XKR9: variants seen among roughly 807,000 people sequenced by gnomAD.
The protein encoded by XKR9 is XK related 9.
Under a neutral mutation model 32.0 loss-of-function variants are expected in XKR9, and 32 were observed. The ratio of observed to expected loss-of-function variants is 1.00; its 90% CI spans 0.76 to 1.34. XKR9 has a LOEUF of 1.34. Ranked by LOEUF, XKR9 falls within the 40% of genes most tolerant of loss-of-function variation. XKR9 has a pLI of 0.00. For missense variants in XKR9, 546 were observed against 429.7 expected, an observed-to-expected ratio of 1.27 and a Z score of -2.39; for synonymous variants, 168 against 143.4, an observed-to-expected ratio of 1.17 and a Z score of -1.22.
chr8:70,858,957 T>C, the XKR9 span, among the ~76,000 whole-genome samples: 5 of 152,130 alleles, frequency 3.3e-5, no homozygotes, highest in Non-Finnish European at 7.4e-5. Context: ...AAAGATTTTT[T>C]GTGTAAGACC....
the XKR9 span, among the ~76,000 whole-genome samples, chr8:71,005,611 T>C: frequency 1.3e-5 from 2 of 152,216 alleles, no homozygotes; most frequent in African/African-American, 2.4e-5. Context: ...GAAAACTTCT[T>C]ATCCATGTCT....
At chr8:70,798,011 C>A in the XKR9 span, among the ~76,000 whole-genome samples, 1 of 152,124 alleles carries the variant, frequency 6.6e-6, no homozygotes, top group Non-Finnish European at 1.5e-5. Flanking sequence ...CTGCAATGAA[C>A]ATATAAGTGC....
intron 2 of XKR9, among the ~76,000 whole-genome samples, chr8:70,782,362 G>A (rs1317577630): frequency 2.0e-5 from 3 of 152,036 alleles, no homozygotes; most frequent in Non-Finnish European, 2.9e-5. Context: ...ATTAAATAGA[G>A]CTAGTTAACA....
chr8:71,052,313 A>G, the XKR9 span, among the ~76,000 whole-genome samples: 1 of 152,178 alleles, frequency 6.6e-6, no homozygotes, highest in African/African-American at 2.4e-5. Flanking sequence ...TCTTAGTTGC[A>G]CTGTCCTTCA....
the XKR9 span, among the ~76,000 whole-genome samples, chr8:70,912,986 C>G: frequency 6.6e-6 from 1 of 152,142 alleles, no homozygotes; most frequent in Non-Finnish European, 1.5e-5. Context: ...ATGATGCAGA[C>G]TAGTGGAAAG....
the XKR9 span, among the ~76,000 whole-genome samples, chr8:71,063,470 G>A: frequency 6.6e-6 from 1 of 151,850 alleles, no homozygotes; most frequent in Non-Finnish European, 1.5e-5. Flanking sequence ...AGAAGTGTGG[G>A]GCCCTTAAAA....
chr8:70,983,297 C>G, the XKR9 span, among the ~76,000 whole-genome samples: 1 of 152,154 alleles, frequency 6.6e-6, no homozygotes, highest in African/African-American at 2.4e-5. Context: ...ATCTGGGGGA[C>G]CTTCTGGGAC....
At chr8:70,781,806 T>C (rs1300561512) in intron 2 of XKR9, among the ~76,000 whole-genome samples, 1 of 152,154 alleles carries the variant, frequency 6.6e-6, no homozygotes, top group Non-Finnish European at 1.5e-5. Context: ...AGAACAAGCT[T>C]TCTCAAAAAG....
chr8:70,751,239 C>T (rs766987723), intron 2 of XKR9, among the ~76,000 whole-genome samples: 1 of 152,172 alleles, frequency 6.6e-6, no homozygotes, highest in Non-Finnish European at 1.5e-5. Context: ...AAGGGATTCT[C>T]CCGCCTCAGC....
the XKR9 span, among the ~76,000 whole-genome samples, chr8:70,923,214 T>C: frequency 6.6e-6 from 1 of 152,232 alleles, no homozygotes; most frequent in Non-Finnish European, 1.5e-5. Flanking sequence ...AGATTATTAG[T>C]GAAGATTCTT....
intron 2 of XKR9, among the ~76,000 whole-genome samples, chr8:70,783,427 C>T (rs891549428): frequency 3.3e-5 from 5 of 151,986 alleles, no homozygotes; most frequent in Non-Finnish European, 4.4e-5. Context: ...GGGGTTTCAC[C>T]GTGTTAGCCA....
At chr8:70,714,718 C>T (rs62530814) in intron 4 of XKR9, among the ~76,000 whole-genome samples, 11,136 of 151,908 alleles carry the variant, frequency 0.073, 497 homozygotes, top group Non-Finnish European at 0.089. Context: ...TTTTAACTCG[C>T]GTTTGAATTG....
chr8:70,796,864 A>G, the XKR9 span, among the ~76,000 whole-genome samples: 2 of 152,200 alleles, frequency 1.3e-5, no homozygotes, highest in South Asian at 2.1e-4. Context: ...CATAACATAT[A>G]TTATGCCTTT....
the XKR9 span, among the ~76,000 whole-genome samples, chr8:71,048,559 T>C: frequency 6.6e-6 from 1 of 152,366 alleles, no homozygotes; most frequent in Non-Finnish European, 1.5e-5. Context: ...TGATATATCA[T>C]GGCTCTATTA....
chr8:70,883,910 G>A, the XKR9 span, among the ~76,000 whole-genome samples: 6 of 152,116 alleles, frequency 3.9e-5, no homozygotes, highest in African/African-American at 1.4e-4. Context: ...CAAGGAGTGT[G>A]ATTGCTCAAT....
At chr8:70,851,256 C>T in the XKR9 span, among the ~76,000 whole-genome samples, 1 of 152,060 alleles carries the variant, frequency 6.6e-6, no homozygotes, top group African/African-American at 2.4e-5. Context: ...AGGAGAATTA[C>T]AAACCACTTG....
At chr8:70,861,689 T>C in the XKR9 span, among the ~76,000 whole-genome samples, 1 of 151,958 alleles carries the variant, frequency 6.6e-6, no homozygotes, top group African/African-American at 2.4e-5. Context: ...ATAAAGCTGT[T>C]GTGAGAATTC....
chr8:70,972,576 G>T, the XKR9 span, among the ~76,000 whole-genome samples: 2 of 151,950 alleles, frequency 1.3e-5, no homozygotes, highest in Non-Finnish European at 2.9e-5. Context: ...ACTTTTCTCT[G>T]TTCAGTATAG....
chr8:70,948,556 C>A, the XKR9 span, among the ~76,000 whole-genome samples: 4 of 152,150 alleles, frequency 2.6e-5, no homozygotes, highest in East Asian at 3.9e-4. Context: ...GGAGACTGGG[C>A]AGCTCAGATA....
Sources: gnomAD v4.1 joint callset for allele counts (sites outside exome capture counted in the v4.1 genomes callset) on GRCh38, gnomAD v4.1.1 for gene constraint, MANE v1.5 for transcripts, NCBI Gene and HGNC (gene_info 2026-07-23, HGNC 2026-07-21) for gene names.